Variants in CACNA2D3 observed in about 807,000 individuals in gnomAD.
CACNA2D3 encodes the protein voltage-dependent calcium channel subunit alpha-2/delta-3.
In CACNA2D3, 60 loss-of-function variants were observed where a neutral mutation model predicts 160.6. The observed-to-expected ratio is 0.37, with a 90% confidence interval of 0.30 to 0.46. The LOEUF is 0.46. CACNA2D3 is among the 20% of genes least tolerant of loss of function. The pLI, the probability that CACNA2D3 is intolerant of heterozygous loss-of-function variation, is 1.00. For synonymous variants in CACNA2D3, 558 were observed against 492.9 expected (o/e 1.13, Z -1.75); for missense variants, 1,205 against 1,365.0 (o/e 0.88, Z 1.85).
At chr3:54,701,208 G>A (rs1264027302) in intron 11 of CACNA2D3, among the ~76,000 whole-genome samples, 4 of 152,160 alleles carry the variant, frequency 2.6e-5, no homozygotes, top group African/African-American at 9.7e-5. Context: ...CAACTAAGAT[G>A]TGTGCACTCC....
intron 13 of CACNA2D3, among the ~76,000 whole-genome samples, chr3:54,784,226 C>A (rs1008546334): frequency 6.6e-6 from 1 of 152,142 alleles, no homozygotes; most frequent in Non-Finnish European, 1.5e-5. Flanking sequence ...GAGAGGTAGA[C>A]CTCTGAACGG....
chr3:54,174,623 C>T (rs554897369), intron 2 of CACNA2D3, among the ~76,000 whole-genome samples: 40 of 152,300 alleles, frequency 2.6e-4, no homozygotes, highest in South Asian at 8.3e-4. Flanking sequence ...CTCCCGGGTT[C>T]GCGCCATTCT....
chr3:54,940,520 G>T (rs967135914), intron 27 of CACNA2D3, among the ~76,000 whole-genome samples: 50 of 152,110 alleles, frequency 3.3e-4, no homozygotes, highest in African/African-American at 1.2e-3. Flanking sequence ...TTGCTGTCAG[G>T]GTGAACTCTG....
chr3:54,594,884 C>T (rs1702922466), intron 9 of CACNA2D3, among the ~76,000 whole-genome samples: 1 of 152,166 alleles, frequency 6.6e-6, no homozygotes, highest in African/African-American at 2.4e-5. Context: ...TTAAGAGACA[C>T]ATGCGGGTAT....
chr3:54,701,017 A>C (rs1481366250), intron 11 of CACNA2D3, among the ~76,000 whole-genome samples: 1 of 152,234 alleles, frequency 6.6e-6, no homozygotes, highest in Non-Finnish European at 1.5e-5. Flanking sequence ...CAGGCTGCAG[A>C]ATTCTCTGTT....
rs189724838 is a variant in CACNA2D3, at chr3:54,948,491, T to C, written c.2450-19959T>C. Among the ~76,000 whole-genome samples, 420 of 152,334 alleles carry C rather than the reference T, an allele frequency of 2.8e-3. 5 individuals carry two copies. Among genetic ancestry groups the C allele is most frequent in the African/African-American group, 9.8e-3 (406 of 41,570 alleles). ...ATGGCCTATGTACATTCAACTAGTA[T>C]GGGCAAAGGTAGCATCTTCCTGCAG... On this transcript the variant is annotated intron_variant, in intron 27 of 37. Coordinates refer to ENST00000474759, the MANE Select transcript of CACNA2D3 (RefSeq NM_018398.3).
intron 5 of CACNA2D3, among the ~76,000 whole-genome samples, chr3:54,524,955 T>C (rs992920085): frequency 2.0e-5 from 3 of 152,084 alleles, no homozygotes; most frequent in African/African-American, 7.2e-5. Flanking sequence ...GTCTGAAAAA[T>C]CTCTGCCTCT....
intron 4 of CACNA2D3, among the ~76,000 whole-genome samples, chr3:54,428,999 G>A (rs1036071617): frequency 2.0e-5 from 3 of 152,228 alleles, no homozygotes; most frequent in Admixed American, 2.0e-4. Flanking sequence ...TGAATCTTTG[G>A]TCAGCCCTTA....
intron 11 of CACNA2D3, among the ~76,000 whole-genome samples, chr3:54,675,719 A>G (rs954966121): frequency 2.6e-5 from 4 of 152,182 alleles, no homozygotes; most frequent in African/African-American, 9.6e-5. Flanking sequence ...GAGGCAAACT[A>G]TGAGTAAAAA....
chr3:54,336,103 C>T (rs550939069), intron 3 of CACNA2D3, among the ~76,000 whole-genome samples: 1 of 152,010 alleles, frequency 6.6e-6, no homozygotes, highest in African/African-American at 2.4e-5. Context: ...ACTCTGCCTC[C>T]TCAGAATCCC....
At chr3:54,960,858 A>C (rs1007977177) in intron 27 of CACNA2D3, among the ~76,000 whole-genome samples, 3 of 152,214 alleles carry the variant, frequency 2.0e-5, no homozygotes, top group African/African-American at 7.2e-5. Flanking sequence ...TTGCAGTTTT[A>C]AATTGTTATT....
chr3:54,257,202 A>G (rs1214396035), intron 2 of CACNA2D3, among the ~76,000 whole-genome samples: 4 of 152,162 alleles, frequency 2.6e-5, no homozygotes, highest in African/African-American at 4.8e-5. Flanking sequence ...CAATATCATA[A>G]TTACTCTTAT....
At chr3:54,314,311 G>A (rs1703814146) in intron 2 of CACNA2D3, among the ~76,000 whole-genome samples, 1 of 152,170 alleles carries the variant, frequency 6.6e-6, no homozygotes, top group Admixed American at 6.5e-5. Flanking sequence ...ATTGATTGAT[G>A]GGTATTTGGG....
chr3:54,420,276 G>A (rs1699818140), intron 4 of CACNA2D3, among the ~76,000 whole-genome samples: 1 of 151,670 alleles, frequency 6.6e-6, no homozygotes, highest in African/African-American at 2.4e-5. Context: ...GTAGAGATGG[G>A]GTTTCACTAT....
At chr3:54,299,088 G>T (rs55719230) in intron 2 of CACNA2D3, among the ~76,000 whole-genome samples, 1 of 151,564 alleles carries the variant, frequency 6.6e-6, no homozygotes, top group Non-Finnish European at 1.5e-5. Flanking sequence ...TCTGCAGTCT[G>T]TAAGTTTTAA....
intron 5 of CACNA2D3, among the ~76,000 whole-genome samples, chr3:54,510,465 C>T (rs765758846): frequency 1.1e-4 from 16 of 152,182 alleles, no homozygotes; most frequent in Non-Finnish European, 2.2e-4. Context: ...AACTCAAAGG[C>T]ATCACTTTAG....
chr3:54,234,541 A>T (rs72976264), intron 2 of CACNA2D3, among the ~76,000 whole-genome samples: 9,090 of 152,262 alleles, frequency 0.06, 553 homozygotes, highest in African/African-American at 0.14. Flanking sequence ...TTATTCTACC[A>T]TAAAGGCACA....
intron 11 of CACNA2D3, among the ~76,000 whole-genome samples, chr3:54,724,253 C>A (rs1376333191): frequency 6.6e-6 from 1 of 152,144 alleles, no homozygotes; most frequent in Non-Finnish European, 1.5e-5. Context: ...TACAGGAGCA[C>A]CCAGATTCAT....
chr3:54,797,138 A>G (rs1199281352), intron 13 of CACNA2D3, among the ~76,000 whole-genome samples: 4 of 152,208 alleles, frequency 2.6e-5, no homozygotes, highest in Admixed American at 6.5e-5. Flanking sequence ...GAAGGCAGCC[A>G]TTGGTAAATT....
Sources: gnomAD v4.1 joint callset for allele counts (sites outside exome capture counted in the v4.1 genomes callset) on GRCh38, gnomAD v4.1.1 for gene constraint, MANE v1.5 for transcripts, NCBI Gene and HGNC (gene_info 2026-07-23, HGNC 2026-07-21) for gene names.